Variants in RAB38 observed in about 807,000 individuals in gnomAD.
RAB38 encodes ras-related protein Rab-38.
A neutral mutation model predicts 18.4 loss-of-function variants in RAB38; 15 were observed. That is an observed-to-expected ratio of 0.82 (90% confidence interval 0.55 to 1.26). The LOEUF (loss-of-function observed/expected upper bound fraction) is 1.26. Among genes scored for constraint, RAB38 ranks in the 50% most tolerant of loss-of-function variants. The probability of loss-of-function intolerance (pLI) is 0.00; values close to 1 mark genes in which losing one functional copy is unlikely to be tolerated. For synonymous variants in RAB38, 101 were observed against 104.4 expected, an observed-to-expected ratio of 0.97 and a Z score of 0.20; for missense variants, 294 against 267.4, an observed-to-expected ratio of 1.10 and a Z score of -0.69.
chr11:88,126,878 A>G (rs889422840), intron 2 of RAB38, among the ~76,000 whole-genome samples: 1 of 152,216 alleles, frequency 6.6e-6, no homozygotes, highest in Admixed American at 6.5e-5. Flanking sequence ...GAGGAGATAT[A>G]TGAAAGAACT....
the RAB38 span, among the ~76,000 whole-genome samples, chr11:88,008,347 G>A: frequency 0.012 from 1,782 of 152,118 alleles, 40 homozygotes; most frequent in African/African-American, 0.04. Context: ...TATTAATTCC[G>A]AGAGGGGAAC....
chr11:88,016,647 T>A, the RAB38 span, among the ~76,000 whole-genome samples: 6 of 152,172 alleles, frequency 3.9e-5, no homozygotes, highest in East Asian at 1.2e-3. Flanking sequence ...CCTATCAATG[T>A]GCACTTTAGT....
rs35773677 is a variant in RAB38 at position 88,120,654 on chromosome 11, G to A, written c.484-6514C>T. On this transcript the variant is annotated intron_variant, in intron 2 of 2. Transcript: ENST00000243662. ...AAAGGTTCACAAAGGGAGCTCCTAAGATTGTGTCCCTCTGACAATGCCTCC... is the reference window on the plus strand; with the variant it reads ...AAAGGTTCACAAAGGGAGCTCCTAAAATTGTGTCCCTCTGACAATGCCTCC... Among the ~76,000 whole-genome samples, 446 of 152,308 alleles carry A rather than the reference G, an allele frequency of 2.9e-3. 2 individuals are homozygous for A. The highest frequency in any genetic ancestry group is 0.01 in the African/African-American group (421 of 41,560).
the RAB38 span, among the ~76,000 whole-genome samples, chr11:87,964,974 G>A: frequency 6.6e-6 from 1 of 152,010 alleles, no homozygotes; most frequent in Non-Finnish European, 1.5e-5. Context: ...TTATATCTAC[G>A]GCAGAGTTTC....
At chr11:88,063,435 G>A in the RAB38 span, among the ~76,000 whole-genome samples, 1 of 152,086 alleles carries the variant, frequency 6.6e-6, no homozygotes, top group African/African-American at 2.4e-5. Flanking sequence ...AATGGCCAAG[G>A]AGAAAAATGC....
At chr11:88,035,490 G>A in the RAB38 span, among the ~76,000 whole-genome samples, 3 of 152,052 alleles carry the variant, frequency 2.0e-5, no homozygotes, top group Non-Finnish European at 2.9e-5. Context: ...ACAATCACAA[G>A]GCGAGGTCCC....
chr11:87,931,105 T>G, the RAB38 span, among the ~76,000 whole-genome samples: 7,359 of 152,138 alleles, frequency 0.048, 559 homozygotes, highest in African/African-American at 0.16. Flanking sequence ...GTGAAGAAAG[T>G]CATTGTTAGC....
the RAB38 span, among the ~76,000 whole-genome samples, chr11:87,850,735 CACACACACACAT>C: frequency 2.6e-5 from 4 of 151,896 alleles, no homozygotes; most frequent in South Asian, 2.1e-4. Flanking sequence ...CACACACACA[CACACACACACAT>C]ACACACACAC....
the RAB38 span, among the ~76,000 whole-genome samples, chr11:87,949,726 C>T: frequency 6.6e-6 from 1 of 152,272 alleles, no homozygotes; most frequent in South Asian, 2.1e-4. Flanking sequence ...ATCCTGAGTT[C>T]TAGTTTGATT....
At chr11:87,814,248 G>GTT in the RAB38 span, among the ~76,000 whole-genome samples, 1 of 152,256 alleles carries the variant, frequency 6.6e-6, no homozygotes, top group African/African-American at 2.4e-5. Context: ...GGATTAACTT[G>GTT]TCTATAATGT....
chr11:87,940,526 G>A, the RAB38 span, among the ~76,000 whole-genome samples: 1 of 151,952 alleles, frequency 6.6e-6, no homozygotes, highest in African/African-American at 2.4e-5. Context: ...GATGCTAAAA[G>A]CAAAAGAGTT....
the RAB38 span, among the ~76,000 whole-genome samples, chr11:88,032,545 C>T: frequency 3.9e-5 from 6 of 152,150 alleles, no homozygotes; most frequent in African/African-American, 1.4e-4. Flanking sequence ...AAACAAACAA[C>T]CCCATCAAAA....
At chr11:87,950,021 G>GAC in the RAB38 span, among the ~76,000 whole-genome samples, 12 of 152,316 alleles carry the variant, frequency 7.9e-5, no homozygotes, top group Admixed American at 7.2e-4. Flanking sequence ...ATGTGTGGGA[G>GAC]TCTAAGTTTC....
chr11:87,850,540 G>A, the RAB38 span, among the ~76,000 whole-genome samples: 1 of 151,840 alleles, frequency 6.6e-6, no homozygotes, highest in Non-Finnish European at 1.5e-5. Context: ...AACCCTTTTG[G>A]GAACTACTCT....
At chr11:87,833,359 T>A in the RAB38 span, among the ~76,000 whole-genome samples, 2 of 152,280 alleles carry the variant, frequency 1.3e-5, no homozygotes, top group African/African-American at 4.8e-5. Context: ...TAGAATTCTA[T>A]GTCCATGGTG....
At chr11:87,932,800 G>T in the RAB38 span, among the ~76,000 whole-genome samples, 1 of 152,204 alleles carries the variant, frequency 6.6e-6, no homozygotes. Flanking sequence ...AATGGCAGCT[G>T]TGTCCCAGGC....
the RAB38 span, among the ~76,000 whole-genome samples, chr11:87,956,740 T>C: frequency 2.0e-5 from 3 of 152,096 alleles, no homozygotes; most frequent in East Asian, 5.8e-4. Context: ...ACATTTTTTT[T>C]AATCTACCTT....
chr11:87,910,843 G>A, the RAB38 span, among the ~76,000 whole-genome samples: 752 of 151,850 alleles, frequency 5.0e-3, 6 homozygotes, highest in African/African-American at 0.017. Flanking sequence ...CACCATGTTG[G>A]CCAGGATGGT....
chr11:88,131,258 T>C (rs893965215), intron 2 of RAB38, among the ~76,000 whole-genome samples: 1 of 152,204 alleles, frequency 6.6e-6, no homozygotes, highest in Non-Finnish European at 1.5e-5. Context: ...TATGATATAA[T>C]TAAGAAGTAT....
Sources: gnomAD v4.1 joint callset for allele counts (sites outside exome capture counted in the v4.1 genomes callset) on GRCh38, gnomAD v4.1.1 for gene constraint, MANE v1.5 for transcripts, NCBI Gene and HGNC (gene_info 2026-07-23, HGNC 2026-07-21) for gene names.